The following FAM234A variants were observed in gnomAD, a reference collection of about 807,000 sequenced individuals.
The protein encoded by FAM234A is family with sequence similarity 234 member A, also known as protein FAM234A.
A neutral mutation model predicts 49.1 loss-of-function variants in FAM234A; 42 were observed. The observed-to-expected ratio is 0.86, with a 90% CI of 0.67 to 1.11. FAM234A has a LOEUF of 1.11. Among genes scored for constraint, FAM234A ranks in the 50% least tolerant of loss-of-function variants. FAM234A has a pLI of 0.00. For missense variants in FAM234A, 815 were observed against 745.2 expected (o/e 1.09, Z -1.09); for synonymous variants, 369 against 316.2 (o/e 1.17, Z -1.77).
intron 10 of FAM234A, 56 bp from the exon 11 acceptor site, chr16:263,960 C>T (rs766948808): frequency 3.6e-5 from 56 of 1,568,270 alleles, no homozygotes; most frequent in Middle Eastern, 1.7e-4. Context: ...GTGCAAGCCT[C>T]GAGCTTTTCC....
At chr16:267,073 G>T (rs2051712550), downstream of FAM234A, among the ~76,000 whole-genome samples, 1 of 152,150 alleles carries the variant, frequency 6.6e-6, no homozygotes, top group African/African-American at 2.4e-5. Flanking sequence ...TGCAGGAACA[G>T]CCTGCACCCC....
intron 9 of FAM234A, 105 bp downstream of exon 9, chr16:263,507 G>T (rs1596853833): frequency 2.7e-6 from 4 of 1,475,456 alleles, no homozygotes; most frequent in Non-Finnish European, 2.8e-6. Flanking sequence ...GGGGCCGGAG[G>T]CCGTGTGCTG....
At chr16:248,298 A>G (rs2050887325) in intron 1 of FAM234A, 1 of 152,046 alleles carries the variant, frequency 6.6e-6, no homozygotes, top group South Asian at 2.1e-4. Flanking sequence ...TCTCCAATTC[A>G]AAAGGCAGGA....
chr16:236,401 G>A (rs1473072816), intron 1 of FAM234A, among the ~76,000 whole-genome samples: 1 of 151,794 alleles, frequency 6.6e-6, no homozygotes, highest in African/African-American at 2.4e-5. Context: ...GGGGTAGGCG[G>A]ATCACTAGGT....
intron 1 of FAM234A, among the ~76,000 whole-genome samples, chr16:235,563 ACT>A (rs2050371040): frequency 1.3e-5 from 2 of 151,762 alleles, no homozygotes; most frequent in South Asian, 2.1e-4. Flanking sequence ...AATTTCACTT[ACT>A]CTCTGGTTCT....
chr16:241,746 T>C lies in FAM234A; in HGVS notation c.-140+6889T>C, dbSNP rs979578943. ...TCCTGGCTAACACAGTGAAACCCCA[T>C]CTCTACTAAAAATACAAAAAATTAG... On this transcript the variant is annotated intron_variant, in intron 1 of 12. Transcript: ENST00000399932. Among the ~76,000 whole-genome samples, 42 of 150,448 alleles carry C rather than the reference T, an allele frequency of 2.8e-4. 1 individual carries two copies. The highest frequency in any genetic ancestry group is 2.7e-3 in the Admixed American group (41 of 15,050).
intron 1 of FAM234A, among the ~76,000 whole-genome samples, chr16:244,249 T>C (rs2050724011): frequency 2.6e-5 from 4 of 152,320 alleles, no homozygotes; most frequent in Middle Eastern, 3.4e-3. Context: ...ATTACAGGCG[T>C]GAGCCACCGC....
At chr16:256,960 T>A (rs2051257537) in intron 3 of FAM234A, among the ~76,000 whole-genome samples, 1 of 152,170 alleles carries the variant, frequency 6.6e-6, no homozygotes, top group Admixed American at 6.5e-5. Context: ...CAGGCTGGTC[T>A]TGAATTCCCG....
chr16:266,483 C>A (rs1202008955), downstream of FAM234A, among the ~76,000 whole-genome samples: 2 of 152,078 alleles, frequency 1.3e-5, no homozygotes, highest in African/African-American at 4.8e-5. Context: ...ACCCTGCAGG[C>A]AAGAGGAGCC....
Position 263,324 on chromosome 16 carries a change from T to C in FAM234A, c.1034T>C (p.Val345Ala). 6.2e-7 allele frequency: 1 copy of C among 1,613,242 alleles called. No individual in the cohort carries two copies. ...AACGCCGGTGCAGATGTGCTTCTTG[T>C]GGGCTCAGAGGCCTTCGTGCTGCTG... ...PGNAGADVLLVGSEAFVLLDG... is the reference protein window; with the variant it reads ...PGNAGADVLLAGSEAFVLLDG... Residue 345 changes from valine to alanine, a missense_variant, in exon 9 of 13, where the codon GTG becomes GCG. Transcript: ENST00000399932.
At chr16:260,976 G>A (rs1404349456) in intron 5 of FAM234A, among the ~76,000 whole-genome samples, 1 of 152,158 alleles carries the variant, frequency 6.6e-6, no homozygotes, top group Non-Finnish European at 1.5e-5. Context: ...GGGCACGCCT[G>A]CAACCCCAGC....
chr16:245,253 G>C (rs1168375452), intron 1 of FAM234A, among the ~76,000 whole-genome samples: 1 of 152,094 alleles, frequency 6.6e-6, no homozygotes, highest in South Asian at 2.1e-4. Flanking sequence ...AGGCTGAGGT[G>C]GGAGAATCTC....
At chr16:260,660 G>T in intron 5 of FAM234A, 1 of 472,216 alleles carries the variant, frequency 2.1e-6, no homozygotes, top group Non-Finnish European at 4.4e-6. Context: ...GGCCATGTGT[G>T]TGTGTGGGCT....
At chr16:253,677 A>T (rs1339998469) in intron 2 of FAM234A, among the ~76,000 whole-genome samples, 3 of 151,978 alleles carry the variant, frequency 2.0e-5, no homozygotes, top group African/African-American at 4.8e-5. Context: ...GGTTTCACCG[A>T]GTTAGCCAGG....
intron 1 of FAM234A, among the ~76,000 whole-genome samples, chr16:245,509 GCC>G (rs2050774248): frequency 6.6e-6 from 1 of 152,126 alleles, no homozygotes; most frequent in Non-Finnish European, 1.5e-5. Flanking sequence ...TGGGGTCCTT[GCC>G]TTTCTTTTGT....
Position 264,631 on chromosome 16 carries a change from G to A in FAM234A, c.1362G>A (p.Arg454=). ...CGCTCCAGGAGACCGGGGAGGCCCG[G>A]CACAGCCTGTACATGTTCCACCCCA... is the stretch of plus-strand genomic sequence containing the variant. The part of the protein sequence containing the change: ...STSETETGEA[R]HSLYMFHPTL... The change falls in exon 12 of 13, where the codon CGG becomes CGA. Residue 454 remains arginine, a synonymous_variant. Coordinates refer to ENST00000399932, the MANE Select transcript of FAM234A (RefSeq NM_032039.4). 6.2e-7 allele frequency: 1 copy of A among 1,610,724 alleles called. No individual in the cohort carries two copies.
At chr16:268,855 G>C (rs888791829), downstream of FAM234A, 4 of 1,550,294 alleles carry the variant, frequency 2.6e-6, no homozygotes, top group Non-Finnish European at 3.5e-6. Context: ...GTCTTGTGAC[G>C]GGTGTGTGGG....
In FAM234A at chr16:265,813, CCT is replaced by C. The variant is rs1333429953; in HGVS notation, c.*795_*796del. 4 of 985,642 alleles carry C rather than the reference CCT, an allele frequency of 4.1e-6. No individual in the cohort carries two copies. In the African/African-American group the frequency reaches 7.0e-5, roughly 17 times the overall value. 61.1% of individuals were successfully genotyped at this position (985,642 alleles called of 1,614,324 possible). ...AATGCGTGTTTGGGTCAGTCTGTGC[CCT>C]CTCAGTAGACACTGGAGCTGCTCTG... On this transcript the variant is annotated 3_prime_UTR_variant, in exon 13 of 13. Transcript: ENST00000399932.
chr16:254,661 G>A lies in FAM234A; in HGVS notation c.248G>A (p.Arg83Lys), dbSNP rs559954529. 1.2e-6 allele frequency: 2 copies of A among 1,613,844 alleles called. No individual in the cohort carries two copies. Among genetic ancestry groups the A allele is most frequent in the Non-Finnish European group, 1.7e-6 (2 of 1,180,032 alleles). The part of the protein sequence containing the change: ...PDRPASQRMW[R>K]IDYSAAVIYD... ...CGGCCGGCGTCACAGCGAATGTGGA[G>A]GATAGACTACAGTGCCGCTGGTGAG... The change falls in exon 3 of 13, where the codon AGG becomes AAG. Residue 83 changes from arginine to lysine, a missense_variant. Transcript: ENST00000399932.
Sources: gnomAD v4.1 joint callset for allele counts (sites outside exome capture counted in the v4.1 genomes callset) on GRCh38, gnomAD v4.1.1 for gene constraint, MANE v1.5 for transcripts, NCBI Gene and HGNC (gene_info 2026-07-23, HGNC 2026-07-21) for gene names.